SH2D4A: variants seen among roughly 807,000 people sequenced by gnomAD.
SH2D4A encodes the protein SH2 domain-containing protein 4A.
SH2D4A carries 70 observed loss-of-function variants against 64.7 expected under a neutral mutation model. That is an observed-to-expected ratio of 1.08 (90% CI 0.89 to 1.32). The LOEUF (loss-of-function observed/expected upper bound fraction) is 1.32. SH2D4A is among the 40% of genes most tolerant of loss of function. SH2D4A has a pLI of 0.00. For missense variants in SH2D4A, 706 were observed against 540.1 expected (o/e 1.31, Z -3.04); for synonymous variants, 268 against 200.7 (o/e 1.34, Z -2.83).
intron 8 of SH2D4A, among the ~76,000 whole-genome samples, chr8:19,377,056 T>C (rs1451687608): frequency 6.6e-6 from 1 of 152,190 alleles, no homozygotes; most frequent in East Asian, 1.9e-4. Context: ...TTAACAGCCA[T>C]ATTTACTTCA....
At chr8:19,361,368 C>T in intron 6 of SH2D4A, 54 bp downstream of exon 6, 1 of 1,523,904 alleles carries the variant, frequency 6.6e-7, no homozygotes, top group Admixed American at 2.3e-5. Flanking sequence ...TGATTCTCTC[C>T]CTTAATAATG....
chr8:19,379,625 T>G (rs1447982830), intron 8 of SH2D4A, among the ~76,000 whole-genome samples: 1 of 152,188 alleles, frequency 6.6e-6, no homozygotes, highest in African/African-American at 2.4e-5. Flanking sequence ...TGCTATACTA[T>G]TTTACCTTCC....
In SH2D4A at chr8:19,395,313, C is replaced by T. The variant is rs1016078873; in HGVS notation, c.*671C>T. On this transcript the variant is annotated 3_prime_UTR_variant, in exon 10 of 10. Transcript: ENST00000265807. ...TGGCCTGGCCTCCCCTGGATATACT[C>T]TATAGTGCACCAAAAGGATAAAGCA... is the stretch of plus-strand genomic sequence containing the variant. The T allele has an allele frequency of 2.0e-5, 3 of 152,170 alleles. No individual in the cohort carries two copies. The highest frequency in any genetic ancestry group is 7.2e-5 in the African/African-American group (3 of 41,432). 9.4% of individuals were successfully genotyped at this position (152,170 alleles called of 1,614,324 possible).
At chr8:19,389,052 C>T (rs2053438582) in intron 8 of SH2D4A, among the ~76,000 whole-genome samples, 1 of 152,132 alleles carries the variant, frequency 6.6e-6, no homozygotes, top group Non-Finnish European at 1.5e-5. Context: ...AGCAGGTGCT[C>T]AGCAGGTCTA....
chr8:19,327,910 T>G (rs923803942), intron 2 of SH2D4A, among the ~76,000 whole-genome samples: 3 of 152,310 alleles, frequency 2.0e-5, no homozygotes, highest in African/African-American at 7.2e-5. Flanking sequence ...CTCTCTGAAG[T>G]CCGAGGCTGC....
intron 8 of SH2D4A, among the ~76,000 whole-genome samples, chr8:19,374,100 C>A (rs1409288715): frequency 6.6e-6 from 1 of 152,208 alleles, no homozygotes; most frequent in Admixed American, 6.5e-5. Flanking sequence ...TCAATTTAAG[C>A]CTCATTTTCC....
intron 2 of SH2D4A, among the ~76,000 whole-genome samples, chr8:19,325,143 C>G (rs2052257103): frequency 1.3e-5 from 2 of 152,122 alleles, no homozygotes; most frequent in Admixed American, 1.3e-4. Context: ...TGCTCTGTTC[C>G]CAGTCACCAA....
intron 6 of SH2D4A, among the ~76,000 whole-genome samples, chr8:19,361,650 A>G (rs748649985): frequency 3.3e-5 from 5 of 152,210 alleles, no homozygotes; most frequent in Admixed American, 6.5e-5. Flanking sequence ...ACACCATGAA[A>G]TAGAATGAAA....
intron 8 of SH2D4A, among the ~76,000 whole-genome samples, chr8:19,385,759 C>T (rs2053380055): frequency 6.6e-6 from 1 of 152,198 alleles, no homozygotes; most frequent in South Asian, 2.1e-4. Flanking sequence ...TTAAGAAGGG[C>T]TCATGGAGGC....
chr8:19,364,247 C>T lies in SH2D4A; in HGVS notation c.882C>T (p.Phe294=). 1 of 1,614,176 alleles carries T rather than the reference C, an allele frequency of 6.2e-7. No homozygotes were observed. The highest frequency in any genetic ancestry group is 8.5e-7 in the Non-Finnish European group (1 of 1,180,000). The part of the protein sequence containing the change: ...ERPPLPPKPQ[F]LNSGAYPQKP... ...CTCCCCTTCCACCCAAGCCTCAGTTCCTAAACTCAGGGGCATATCCTCAAA... is the reference window on the plus strand; with the variant it reads ...CTCCCCTTCCACCCAAGCCTCAGTTTCTAAACTCAGGGGCATATCCTCAAA... Residue 294 remains phenylalanine (F), a synonymous_variant, in exon 7 of 10, where the codon TTC becomes TTT. Transcript: ENST00000265807.
intron 4 of SH2D4A, among the ~76,000 whole-genome samples, chr8:19,353,962 G>C (rs1308275836): frequency 7.3e-5 from 11 of 150,904 alleles, no homozygotes; most frequent in Non-Finnish European, 1.6e-4. Context: ...TTAAATAGAA[G>C]GATTCATCTC....
At chr8:19,336,518 C>T (rs981032870) in intron 4 of SH2D4A, among the ~76,000 whole-genome samples, 3 of 152,092 alleles carry the variant, frequency 2.0e-5, no homozygotes, top group Non-Finnish European at 2.9e-5. Context: ...ACCCCTCCAA[C>T]CAAGAACAAC....
chr8:19,328,027 C>T (rs1230307310), intron 2 of SH2D4A, among the ~76,000 whole-genome samples: 2 of 152,202 alleles, frequency 1.3e-5, no homozygotes, highest in African/African-American at 2.4e-5. Flanking sequence ...TCTCCCTGGT[C>T]TCCTCCACTG....
chr8:19,342,620 G>C (rs973938803), intron 4 of SH2D4A, among the ~76,000 whole-genome samples: 3 of 152,140 alleles, frequency 2.0e-5, no homozygotes, highest in Admixed American at 1.3e-4. Flanking sequence ...TCCGAGTGGG[G>C]GGATCCTGTT....
At chr8:19,378,956 C>A (rs1490426734) in intron 8 of SH2D4A, among the ~76,000 whole-genome samples, 2 of 143,294 alleles carry the variant, frequency 1.4e-5, no homozygotes, top group African/African-American at 4.9e-5. Flanking sequence ...GCGGTGCATG[C>A]CTGTAGTCCC....
intron 7 of SH2D4A, among the ~76,000 whole-genome samples, chr8:19,371,741 C>T (rs1330881053): frequency 6.6e-6 from 1 of 152,164 alleles, no homozygotes; most frequent in Non-Finnish European, 1.5e-5. Flanking sequence ...CATAAGCTTT[C>T]TTCATGTCAT....
chr8:19,381,766 T>C (rs2053297031), intron 8 of SH2D4A, among the ~76,000 whole-genome samples: 1 of 152,170 alleles, frequency 6.6e-6, no homozygotes, highest in Non-Finnish European at 1.5e-5. Flanking sequence ...AAGTATGATG[T>C]TTGCTGTGGG....
rs34808842 is a variant in SH2D4A, at chr8:19,315,075, TAAAAA to T, written c.-205+1256_-205+1260del. 4.7e-3 allele frequency among the ~76,000 whole-genome samples: 712 copies of T among 151,862 alleles called. 3 individuals carry two copies. Among genetic ancestry groups the T allele is most frequent in the African/African-American group, 0.016 (676 of 41,398 alleles). ...TGCAAAAGTAATTGCGGTTTTTACG[TAAAAA>T]AAACCGCAGTTACTTTTTTTTTGGC... is the stretch of plus-strand genomic sequence containing the variant. On this transcript the variant is annotated intron_variant, in intron 1 of 9. Coordinates refer to ENST00000265807, the MANE Select transcript of SH2D4A (RefSeq NM_022071.4).
In SH2D4A at chr8:19,393,513, C is replaced by T. The variant is rs373551382; in HGVS notation, c.1244C>T (p.Thr415Ile). Residue 415 changes from threonine to isoleucine, a missense_variant, in exon 9 of 10, where the codon ACC (threonine) becomes ATC (isoleucine). Transcript: ENST00000265807. Reference sequence around the variant, plus strand: ...GGCGTGGACCAGCTACAGCATGCCACCTTGGCGGATTTGGTGGAATATCAC... The same window carrying T: ...GGCGTGGACCAGCTACAGCATGCCATCTTGGCGGATTTGGTGGAATATCAC... ...FLGVDQLQHA[T>I]LADLVEYHKE... 3 of 1,614,206 alleles carry T rather than the reference C, an allele frequency of 1.9e-6. 1 individual carries two copies. Among genetic ancestry groups the T allele is most frequent in the South Asian group, 2.2e-5 (2 of 91,084 alleles).
Sources: gnomAD v4.1 joint callset for allele counts (sites outside exome capture counted in the v4.1 genomes callset) on GRCh38, gnomAD v4.1.1 for gene constraint, MANE v1.5 for transcripts, NCBI Gene and HGNC (gene_info 2026-07-23, HGNC 2026-07-21) for gene names.